SLCO3A1: variants seen among roughly 807,000 people sequenced by gnomAD.
SLCO3A1 encodes the protein PGE1 transporter.
A neutral mutation model predicts 63.1 loss-of-function variants in SLCO3A1; 27 were observed. The observed-to-expected ratio is 0.43, with a 90% confidence interval of 0.32 to 0.59. The LOEUF is 0.59. SLCO3A1 is among the 20% of genes least tolerant of loss of function. The probability of loss-of-function intolerance (pLI) is 0.09; values close to 1 mark genes in which losing one functional copy is unlikely to be tolerated. For synonymous variants in SLCO3A1, 473 were observed against 409.9 expected (o/e 1.15, Z -1.86); for missense variants, 773 against 945.8 (o/e 0.82, Z 2.40).
chr15:91,976,992 C>G (rs1010523228), intron 2 of SLCO3A1, among the ~76,000 whole-genome samples: 1 of 152,082 alleles, frequency 6.6e-6, no homozygotes, highest in Non-Finnish European at 1.5e-5. Flanking sequence ...GTTTTGAGAT[C>G]AACCAGTCTG....
intron 2 of SLCO3A1, among the ~76,000 whole-genome samples, chr15:92,088,644 T>C (rs1361263603): frequency 2.6e-5 from 4 of 152,314 alleles, no homozygotes; most frequent in East Asian, 3.9e-4. Flanking sequence ...AAAATCTGTT[T>C]TGTTGCCTTC....
rs1316627419 is a variant in SLCO3A1 at position 92,072,740 on chromosome 15, A to T, written c.647-22141A>T. Among the ~76,000 whole-genome samples, 3 of 152,192 alleles carry T rather than the reference A, an allele frequency of 2.0e-5. No individual in the cohort carries two copies. The East Asian group carries it at 5.8e-4, about 29-fold the overall frequency. On this transcript the variant is annotated intron_variant, in intron 2 of 9. Coordinates refer to ENST00000318445, the MANE Select transcript of SLCO3A1 (RefSeq NM_013272.4). ...AACTCATGTCTGTGGCTTTACTGGC[A>T]TCCTCTGCTCCCCTTCTCTCTTTTC... is the stretch of plus-strand genomic sequence containing the variant.
At chr15:92,098,887 C>T (rs1426877632) in intron 3 of SLCO3A1, among the ~76,000 whole-genome samples, 3 of 152,168 alleles carry the variant, frequency 2.0e-5, no homozygotes, top group Non-Finnish European at 2.9e-5. Context: ...ATAGTAAGCA[C>T]ACAATAAATA....
intron 1 of SLCO3A1, among the ~76,000 whole-genome samples, chr15:91,895,742 A>G (rs1897987355): frequency 6.6e-6 from 1 of 152,176 alleles, no homozygotes; most frequent in African/African-American, 2.4e-5. Flanking sequence ...CCAAGCGTGC[A>G]CTCTAGCTTT....
At chr15:92,021,137 T>G (rs2046504341) in intron 2 of SLCO3A1, among the ~76,000 whole-genome samples, 1 of 152,230 alleles carries the variant, frequency 6.6e-6, no homozygotes, top group Non-Finnish European at 1.5e-5. Context: ...CCTGTATGGT[T>G]GTGCTTGTTG....
chr15:91,929,278 G>A (rs187879757), intron 2 of SLCO3A1, among the ~76,000 whole-genome samples: 4 of 152,308 alleles, frequency 2.6e-5, no homozygotes, highest in South Asian at 4.2e-4. Context: ...AGGATTTGAC[G>A]TCCAAGTAGG....
intron 2 of SLCO3A1, among the ~76,000 whole-genome samples, chr15:92,058,578 C>G (rs769941329): frequency 2.6e-5 from 4 of 152,168 alleles, no homozygotes; most frequent in African/African-American, 4.8e-5. Flanking sequence ...TCACCCCATT[C>G]ACGTAGGGAC....
chr15:91,913,006 G>T (rs192577688), intron 1 of SLCO3A1, among the ~76,000 whole-genome samples: 1 of 152,172 alleles, frequency 6.6e-6, no homozygotes, highest in Admixed American at 6.6e-5. Flanking sequence ...TTTGTGTTGC[G>T]AAGGAAAGTA....
chr15:91,970,619 A>G (rs1185401029), intron 2 of SLCO3A1, among the ~76,000 whole-genome samples: 3 of 152,148 alleles, frequency 2.0e-5, no homozygotes, highest in African/African-American at 2.4e-5. Context: ...ATGAAACAAC[A>G]TGGTTCTTTC....
rs1421365319 is a variant in SLCO3A1 at position 91,950,714 on chromosome 15, T to A, written c.646+34256T>A. On this transcript the variant is annotated intron_variant, in intron 2 of 9. Coordinates refer to ENST00000318445, the MANE Select transcript of SLCO3A1 (RefSeq NM_013272.4). The surrounding 1 kb of genome is among the most constrained non-coding windows in gnomAD (Gnocchi z 4.4). The stretch of plus-strand genomic sequence containing the variant: ...TGTATTTCACAACCAGTCTGATTGC[T>A]CTTGTCCCAAGTCATTGCTTTTTGG... Among the ~76,000 whole-genome samples the A allele has an allele frequency of 6.6e-6, 1 of 152,220 alleles. No individual in the cohort carries two copies. Among genetic ancestry groups the A allele is most frequent in the Non-Finnish European group, 1.5e-5 (1 of 68,036 alleles).
At chr15:92,044,091 T>C (rs1170621025) in intron 2 of SLCO3A1, among the ~76,000 whole-genome samples, 1 of 152,166 alleles carries the variant, frequency 6.6e-6, no homozygotes, top group Non-Finnish European at 1.5e-5. Flanking sequence ...TCATAGACCA[T>C]TATACGAATT....
chr15:92,152,154 TG>T (rs1369947500), intron 9 of SLCO3A1, among the ~76,000 whole-genome samples: 1 of 152,258 alleles, frequency 6.6e-6, no homozygotes, highest in Non-Finnish European at 1.5e-5. Flanking sequence ...TTTCTAAATT[TG>T]TTTTAAAGTT....
At chr15:91,964,017 C>T (rs1426897920) in intron 2 of SLCO3A1, among the ~76,000 whole-genome samples, 1 of 152,170 alleles carries the variant, frequency 6.6e-6, no homozygotes, top group Non-Finnish European at 1.5e-5. Flanking sequence ...CATCTTTTAA[C>T]TAGACCCAGA....
chr15:91,999,093 T>TC (rs1190075250), intron 2 of SLCO3A1, among the ~76,000 whole-genome samples: 1 of 152,162 alleles, frequency 6.6e-6, no homozygotes, highest in Admixed American at 6.5e-5. Flanking sequence ...CATTGGGTAC[T>TC]CGTGGACGTA....
chr15:91,858,334 T>C (rs1183367344), intron 1 of SLCO3A1, among the ~76,000 whole-genome samples: 1 of 152,204 alleles, frequency 6.6e-6, no homozygotes, highest in African/African-American at 2.4e-5. Flanking sequence ...CCTTGCCATT[T>C]CCATAATTAC....
intron 4 of SLCO3A1, among the ~76,000 whole-genome samples, chr15:92,108,265 C>A (rs556357353): frequency 1.3e-5 from 2 of 152,300 alleles, no homozygotes; most frequent in African/African-American, 4.8e-5. Context: ...GGGGGCTGGC[C>A]GAGCCAAGGC....
chr15:91,998,921 A>C (rs1244364689), intron 2 of SLCO3A1, among the ~76,000 whole-genome samples: 1 of 152,272 alleles, frequency 6.6e-6, no homozygotes, highest in Non-Finnish European at 1.5e-5. Context: ...TAGGTAAAGA[A>C]AATGTGCATA....
chr15:92,106,583 G>A (rs1042659367), intron 4 of SLCO3A1, among the ~76,000 whole-genome samples: 1 of 152,168 alleles, frequency 6.6e-6, no homozygotes, highest in Non-Finnish European at 1.5e-5. Context: ...TCGGGATGAT[G>A]ACCCTGTTTC....
chr15:92,039,870 A>T (rs570775036), intron 2 of SLCO3A1, among the ~76,000 whole-genome samples: 1 of 150,932 alleles, frequency 6.6e-6, no homozygotes, highest in East Asian at 1.9e-4. Flanking sequence ...TACACAGTGG[A>T]ATACCATACA....
Sources: gnomAD v4.1 joint callset for allele counts (sites outside exome capture counted in the v4.1 genomes callset) on GRCh38, gnomAD v4.1.1 for gene constraint, Gnocchi (gnomAD v3.1) non-coding constraint, MANE v1.5 for transcripts, NCBI Gene and HGNC (gene_info 2026-07-23, HGNC 2026-07-21) for gene names.